PLA2G5: variants seen among roughly 807,000 people sequenced by gnomAD.
PLA2G5 encodes Ca2+-dependent phospholipase A2.
In PLA2G5, 12 loss-of-function variants were observed where a neutral mutation model predicts 15.9. That is an observed-to-expected ratio of 0.76 (90% CI 0.48 to 1.23). The LOEUF is 1.23. Among genes scored for constraint, PLA2G5 ranks in the 50% most tolerant of loss-of-function variants. PLA2G5 has a pLI of 0.00. For synonymous variants in PLA2G5, 71 were observed against 71.4 expected (o/e 0.99, Z 0.03); for missense variants, 169 against 177.1 (o/e 0.95, Z 0.26).
Position 20,089,834 on chromosome 1 carries a change from G to C in PLA2G5, c.231G>C (p.Lys77Asn), listed in dbSNP as rs1483359710. 6.2e-7 allele frequency: 1 copy of C among 1,614,160 alleles called. No individual in the cohort carries two copies. The highest frequency in any genetic ancestry group is 8.5e-7 in the Non-Finnish European group (1 of 1,180,010). ...HDHCYGRLEE[K>N]GCNIRTQSYK... ...ACTGCTATGGGCGGCTGGAGGAGAA[G>C]GGCTGCAACATTCGCACACAGTCCT... Residue 77 changes from lysine (K) to asparagine (N), a missense_variant, in exon 4 of 5, where the codon AAG becomes AAC. By Grantham distance (94) the Lys-to-Asn change is moderately conservative. Coordinates refer to ENST00000375108, the MANE Select transcript of PLA2G5 (RefSeq NM_000929.3).
upstream of PLA2G5, among the ~76,000 whole-genome samples, chr1:20,068,544 T>C (rs3753829): frequency 0.024 from 3,580 of 150,702 alleles, 251 homozygotes; most frequent in East Asian, 0.25. Flanking sequence ...CTCCGCCTCC[T>C]GGGTTCAAGC....
Position 20,084,982 on chromosome 1 carries a change from T to C in PLA2G5, c.40+112T>C, listed in dbSNP as rs544631636. 14 of 805,624 alleles carry C rather than the reference T, an allele frequency of 1.7e-5. 1 individual carries two copies. The South Asian group carries it at 1.8e-4, about 10-fold the overall frequency. The allele number at this position is 805,624 out of a possible 1,614,324, so 49.9% of individuals were successfully genotyped here. ...TAGAGACTTGGGTTTGAATCTCGGC[T>C]CTGCACTGACTGCATAGACATTCAG... On this transcript the variant is annotated intron_variant, in intron 2 of 4. Coordinates refer to ENST00000375108, the MANE Select transcript of PLA2G5 (RefSeq NM_000929.3).
upstream of PLA2G5, chr1:20,065,875 G>C (rs1439551468): frequency 1.3e-5 from 2 of 152,242 alleles, no homozygotes; most frequent in Admixed American, 6.5e-5. Context: ...GGGTGTGGTG[G>C]CATGTACCTG....
At chr1:20,090,043 A>G (rs1049635975) in intron 4 of PLA2G5, 148 bp downstream of exon 4, 4 of 626,830 alleles carry the variant, frequency 6.4e-6, no homozygotes, top group African/African-American at 3.7e-5. Context: ...TTGCAGCTGT[A>G]TCAGACCCCC....
chr1:20,073,325 A>G (rs1487659256), intron 1 of PLA2G5, among the ~76,000 whole-genome samples: 1 of 152,224 alleles, frequency 6.6e-6, no homozygotes, highest in Non-Finnish European at 1.5e-5. Flanking sequence ...TTTGCTATGA[A>G]GTTGGTGTGT....
Position 20,079,425 on chromosome 1 carries a change from T to G in PLA2G5, c.-10-5396T>G, listed in dbSNP as rs573708492. 3.3e-5 allele frequency among the ~76,000 whole-genome samples: 5 copies of G among 152,356 alleles called. No homozygotes were observed. The South Asian group carries it at 6.2e-4, about 19-fold the overall frequency. ...AGGATTTGAACCCAGGACTTGGAGC[T>G]GATATAGAGCCTGTGATGTTACCCA... On this transcript the variant is annotated intron_variant, in intron 1 of 4. Transcript: ENST00000375108.
At chr1:20,087,529 T>C (rs2016351378) in intron 3 of PLA2G5, among the ~76,000 whole-genome samples, 1 of 150,264 alleles carries the variant, frequency 6.7e-6, no homozygotes, top group Non-Finnish European at 1.5e-5. Flanking sequence ...AAGTAGCATA[T>C]ACGTTTTTTT....
At chr1:20,054,364 C>A (rs1165918955) in intron 1 of PLA2G5, among the ~76,000 whole-genome samples, 1 of 152,218 alleles carries the variant, frequency 6.6e-6, no homozygotes, top group Non-Finnish European at 1.5e-5. Context: ...GTCATGGTAG[C>A]TGCATTCATT....
At chr1:20,062,988 A>G (rs681800) in intron 2 of PLA2G5, among the ~76,000 whole-genome samples, 18,494 of 152,088 alleles carry the variant, frequency 0.12, 2,109 homozygotes, top group African/African-American at 0.3. Context: ...GAGAAGATCC[A>G]TGGACGTGGG....
intron 1 of PLA2G5, among the ~76,000 whole-genome samples, chr1:20,080,277 C>T (rs759697339): frequency 3.3e-5 from 5 of 152,122 alleles, no homozygotes; most frequent in African/African-American, 4.8e-5. Context: ...TCCTGATAGC[C>T]ACCTGGGCAC....
intron 1 of PLA2G5, among the ~76,000 whole-genome samples, chr1:20,044,510 T>TA (rs1465121843): frequency 6.6e-6 from 1 of 152,196 alleles, no homozygotes. Flanking sequence ...TAAGGGTTGT[T>TA]GCCAAACAAG....
At chr1:20,049,717 T>A (rs1483939430) in intron 1 of PLA2G5, among the ~76,000 whole-genome samples, 1 of 152,232 alleles carries the variant, frequency 6.6e-6, no homozygotes, top group African/African-American at 2.4e-5. Flanking sequence ...TCCCCAGCCA[T>A]ATGGAACTGT....
intron 1 of PLA2G5, among the ~76,000 whole-genome samples, chr1:20,029,679 A>G (rs2012803769): frequency 6.6e-6 from 1 of 152,090 alleles, no homozygotes; most frequent in South Asian, 2.1e-4. Flanking sequence ...ATTTAAAGGG[A>G]CCACACTCTT....
chr1:20,084,757 G>A (rs2016197769), intron 1 of PLA2G5, 64 bp from the exon 2 acceptor site: 2 of 1,060,082 alleles, frequency 1.9e-6, no homozygotes, highest in Non-Finnish European at 3.0e-6. Context: ...GCCAGGGTGG[G>A]ATCTGAATGG....
intron 2 of PLA2G5, 82 bp downstream of exon 2, chr1:20,084,952 G>A: frequency 1.0e-6 from 1 of 957,278 alleles, no homozygotes; most frequent in Non-Finnish European, 1.7e-6. Context: ...CAGCCATTGA[G>A]GTCGTAGAGA....
intron 1 of PLA2G5, among the ~76,000 whole-genome samples, chr1:20,058,367 A>G (rs1357149902): frequency 1.3e-5 from 2 of 152,178 alleles, no homozygotes; most frequent in Non-Finnish European, 2.9e-5. Flanking sequence ...CCTCTTCATC[A>G]TTATGTAAAT....
intron 1 of PLA2G5, among the ~76,000 whole-genome samples, chr1:20,037,929 G>C (rs528875738): frequency 6.6e-6 from 1 of 152,250 alleles, no homozygotes; most frequent in Non-Finnish European, 1.5e-5. Flanking sequence ...TGCTGCAATG[G>C]CTGTGGGGGA....
chr1:20,074,392 G>A (rs911348108), intron 1 of PLA2G5, among the ~76,000 whole-genome samples: 18 of 152,112 alleles, frequency 1.2e-4, no homozygotes, highest in African/African-American at 4.1e-4. Context: ...TCCATGTTAC[G>A]GAGCAACTGA....
At chr1:20,061,655 TAAAC>T (rs2014740965) in intron 2 of PLA2G5, among the ~76,000 whole-genome samples, 1 of 148,928 alleles carries the variant, frequency 6.7e-6, no homozygotes, top group Non-Finnish European at 1.5e-5. Context: ...GTGCTTGAAA[TAAAC>T]AGGGCCTAAA....
Sources: gnomAD v4.1 joint callset for allele counts (sites outside exome capture counted in the v4.1 genomes callset) on GRCh38, gnomAD v4.1.1 for gene constraint, MANE v1.5 for transcripts, NCBI Gene and HGNC (gene_info 2026-07-23, HGNC 2026-07-21) for gene names.